Variants in CARF observed in about 807,000 individuals in gnomAD.
CARF encodes calcium responsive transcription factor.
A neutral mutation model predicts 82.0 loss-of-function variants in CARF; 57 were observed. The observed-to-expected ratio is 0.70, with a 90% CI of 0.56 to 0.87. CARF has a LOEUF of 0.87. Ranked by LOEUF, CARF falls within the 40% of genes least tolerant of loss-of-function variation. CARF has a pLI of 0.00. For missense variants in CARF, 771 were observed against 855.8 expected (o/e 0.90, Z 1.24); for synonymous variants, 268 against 290.1 (o/e 0.92, Z 0.77).
At chr2:202,916,528 AATAG>A (rs2105933199) in intron 1 of CARF, among the ~76,000 whole-genome samples, 1 of 152,302 alleles carries the variant, frequency 6.6e-6, no homozygotes, top group East Asian at 1.9e-4. Context: ...GCTGATAATG[AATAG>A]ATTTAAAGAT....
chr2:202,917,596 CTTTG>C (rs1689983790), intron 1 of CARF, among the ~76,000 whole-genome samples: 1 of 152,100 alleles, frequency 6.6e-6, no homozygotes, highest in Non-Finnish European at 1.5e-5. Flanking sequence ...TGCTAGAGAT[CTTTG>C]TTTTAGTGAT....
At chr2:202,977,360 A>G (rs772419865) in intron 14 of CARF, 28 bp downstream of exon 14, 7 of 1,503,362 alleles carry the variant, frequency 4.7e-6, no homozygotes, top group Non-Finnish European at 6.5e-6. Context: ...CCTTTAAAAT[A>G]TAAATTCAAA....
intron 3 of CARF, among the ~76,000 whole-genome samples, chr2:202,937,320 C>T (rs532920940): frequency 6.6e-6 from 1 of 152,168 alleles, no homozygotes; most frequent in South Asian, 2.1e-4. Context: ...TTAAAACACA[C>T]ATACAAAATT....
intron 10 of CARF, among the ~76,000 whole-genome samples, chr2:202,969,432 G>A (rs757293694): frequency 6.6e-5 from 10 of 151,600 alleles, no homozygotes; most frequent in East Asian, 3.9e-4. Flanking sequence ...AAAATTAGCC[G>A]GGAGTGGTGG....
Position 202,986,881 on chromosome 2 carries a change from T to TATATATATATAC in CARF, c.*3268_*3269insCATATATATATA. Reference sequence around the variant, plus strand: ...AAATGTCTGTGCGTATATATATATATATATATATATATATATATATATATA... The same window carrying TATATATATATAC: ...AAATGTCTGTGCGTATATATATATATATATATATATACATATATATATATATATATATATATA... On this transcript the variant is annotated 3_prime_UTR_variant, in exon 17 of 17. Transcript: ENST00000438828. 8.4e-6 allele frequency: 1 copy of TATATATATATAC among 118,608 alleles called. No homozygotes were observed. The highest frequency in any genetic ancestry group is 2.2e-4 in the East Asian group (1 of 4,632). 7.3% of individuals were successfully genotyped at this position (118,608 alleles called of 1,614,324 possible).
At chr2:202,914,701 C>A (rs1689264790) in intron 1 of CARF, among the ~76,000 whole-genome samples, 2 of 149,946 alleles carry the variant, frequency 1.3e-5, no homozygotes, top group African/African-American at 2.5e-5. Flanking sequence ...ATTGCTTGAA[C>A]CTGGAAGGTG....
chr2:202,914,320 C>T (rs955748460), intron 1 of CARF, among the ~76,000 whole-genome samples: 5 of 152,104 alleles, frequency 3.3e-5, no homozygotes, highest in African/African-American at 1.2e-4. Flanking sequence ...AAAGACTATG[C>T]ATTAGGGCTT....
At chr2:202,926,629 A>G (rs764789903) in intron 3 of CARF, among the ~76,000 whole-genome samples, 3 of 152,214 alleles carry the variant, frequency 2.0e-5, no homozygotes, top group Non-Finnish European at 2.9e-5. Context: ...CTCAATTTTA[A>G]AAAACCTACT....
At chr2:202,948,815 CT>C (rs1349410469) in intron 5 of CARF, among the ~76,000 whole-genome samples, 6 of 152,152 alleles carry the variant, frequency 3.9e-5, no homozygotes, top group African/African-American at 1.4e-4. Flanking sequence ...AACTTCCTCT[CT>C]TCCTATCTGG....
rs773805398 is a variant in CARF, at chr2:202,982,127, C to T, written c.1745C>T (p.Ser582Leu). ...CCTGATGAATCACCAGCTGTGGTAT[C>T]AGTAAATAACCAGCCGTCCTCTAGT... ...TSPDESPAVV[S>L]VNNQPSSSPS... The change falls in exon 16 of 17, where the codon TCA becomes TTA. Residue 582 changes from serine to leucine, a missense_variant. Ser to Leu is a moderately radical substitution (Grantham distance 145). Transcript: ENST00000438828. 7.4e-6 allele frequency: 12 copies of T among 1,614,096 alleles called. No homozygotes were observed. In the South Asian group the frequency reaches 1.2e-4, roughly 16 times the overall value.
intron 8 of CARF, among the ~76,000 whole-genome samples, chr2:202,956,031 C>A (rs1465616298): frequency 6.6e-6 from 1 of 151,744 alleles, no homozygotes; most frequent in Non-Finnish European, 1.5e-5. Flanking sequence ...TCATGTTTCT[C>A]TACTATTTAC....
chr2:202,977,780 G>A (rs992216274), intron 14 of CARF, among the ~76,000 whole-genome samples: 1 of 151,984 alleles, frequency 6.6e-6, no homozygotes, highest in African/African-American at 2.4e-5. Flanking sequence ...ACTCCTCTTA[G>A]TACTCAAATT....
chr2:202,958,247 A>ATGTG (rs1225523942), intron 8 of CARF, among the ~76,000 whole-genome samples: 2,731 of 26,430 alleles, frequency 0.1, 89 homozygotes, highest in African/African-American at 0.22. Context: ...GTATATACAT[A>ATGTG]TATGTGTGTG....
intron 10 of CARF, among the ~76,000 whole-genome samples, chr2:202,968,851 T>G (rs1232029766): frequency 6.6e-6 from 1 of 152,188 alleles, no homozygotes; most frequent in Admixed American, 6.5e-5. Context: ...TAACTACCTA[T>G]TTAGGTATTT....
chr2:202,926,472 C>G (rs957463701), intron 3 of CARF, among the ~76,000 whole-genome samples: 1 of 152,180 alleles, frequency 6.6e-6, no homozygotes, highest in South Asian at 2.1e-4. Flanking sequence ...TCTATTTTTA[C>G]ACCGATACCA....
At chr2:202,921,540 A>C (rs1690788115) in intron 2 of CARF, among the ~76,000 whole-genome samples, 1 of 152,214 alleles carries the variant, frequency 6.6e-6, no homozygotes, top group Non-Finnish European at 1.5e-5. Flanking sequence ...ATTCAGATAT[A>C]GTTATAAAAC....
intron 14 of CARF, among the ~76,000 whole-genome samples, chr2:202,980,453 T>C (rs1412496063): frequency 1.3e-5 from 2 of 151,116 alleles, no homozygotes; most frequent in Non-Finnish European, 3.0e-5. Flanking sequence ...AAGACCAATT[T>C]TTCCAGGTAT....
intron 3 of CARF, among the ~76,000 whole-genome samples, chr2:202,934,060 CA>C (rs200878308): frequency 1.1e-3 from 160 of 149,216 alleles, no homozygotes; most frequent in Middle Eastern, 3.4e-3. Context: ...AAAAAAATAT[CA>C]AAAAAAAAAT....
At chr2:202,965,587 A>G (rs1284866235) in intron 9 of CARF, among the ~76,000 whole-genome samples, 1 of 152,024 alleles carries the variant, frequency 6.6e-6, no homozygotes, top group Non-Finnish European at 1.5e-5. Context: ...TCTACATAGT[A>G]ATTCTACATG....
Sources: gnomAD v4.1 joint callset for allele counts (sites outside exome capture counted in the v4.1 genomes callset) on GRCh38, gnomAD v4.1.1 for gene constraint, MANE v1.5 for transcripts, NCBI Gene and HGNC (gene_info 2026-07-23, HGNC 2026-07-21) for gene names.